PADI3: variants seen among roughly 807,000 people sequenced by gnomAD.
PADI3 encodes the protein protein-arginine deiminase type-3.
PADI3 carries 53 observed loss-of-function variants against 71.5 expected under a neutral mutation model. That is an observed-to-expected ratio of 0.74 (90% CI 0.59 to 0.93). The LOEUF is 0.93. PADI3 is among the 40% of genes least tolerant of loss of function. PADI3 has a pLI of 0.00. For missense variants in PADI3, 821 were observed against 868.0 expected (o/e 0.95, Z 0.68); for synonymous variants, 361 against 347.5 (o/e 1.04, Z -0.43).
chr1:17,276,285 C>T (rs1328187739), intron 11 of PADI3, among the ~76,000 whole-genome samples: 2 of 151,864 alleles, frequency 1.3e-5, no homozygotes, highest in African/African-American at 2.4e-5. Context: ...TGCAATGAGG[C>T]GAGATCACGC....
chr1:17,279,229 AT>A (rs1345742689), intron 13 of PADI3, among the ~76,000 whole-genome samples: 1 of 152,192 alleles, frequency 6.6e-6, no homozygotes, highest in Non-Finnish European at 1.5e-5. Flanking sequence ...GTGGCGATTA[AT>A]TACATAGACA....
chr1:17,270,240 G>A lies in PADI3; in HGVS notation c.660G>A (p.Glu220=), dbSNP rs1187673967. ...CCGTCCCTCCCCTTCCAGGTCCTGAGGATGTGTGTGAGGCCTATAGGCATG... is the reference window on the plus strand; with the variant it reads ...CCGTCCCTCCCCTTCCAGGTCCTGAAGATGTGTGTGAGGCCTATAGGCATG... ...RAQVFHICGP[E]DVCEAYRHVL... The change falls in exon 7 of 16, where the codon GAG becomes GAA. Residue 220 remains glutamate, a synonymous_variant. Transcript: ENST00000375460. The A allele has an allele frequency of 6.2e-7, 1 of 1,611,016 alleles. No individual in the cohort carries two copies. The highest frequency in any genetic ancestry group is 2.2e-5 in the East Asian group (1 of 44,750).
intron 13 of PADI3, among the ~76,000 whole-genome samples, chr1:17,277,698 C>T (rs1448297578): frequency 1.3e-5 from 2 of 152,374 alleles, no homozygotes; most frequent in South Asian, 2.1e-4. Context: ...TGCTGCAGCA[C>T]TCTGCCCCCA....
At chr1:17,268,507 T>TC (rs2073202057) in intron 6 of PADI3, among the ~76,000 whole-genome samples, 1 of 112,604 alleles carries the variant, frequency 8.9e-6, no homozygotes, top group African/African-American at 3.5e-5. Flanking sequence ...GCTTTTTTTT[T>TC]TTTTTTTTTT....
Position 17,270,415 on chromosome 1 carries a change from G to A in PADI3, c.831+4G>A, listed in dbSNP as rs1467524092. ...TCTGCTGGACGACTCCAACGAGGTA[G>A]GGACAGAGGGGGTTCAAGAGGAGCT... On this transcript the variant is annotated splice_donor_region_variant and intron_variant, in intron 7 of 15. Coordinates refer to ENST00000375460, the MANE Select transcript of PADI3 (RefSeq NM_016233.2). 6.2e-7 allele frequency: 1 copy of A among 1,609,244 alleles called. No homozygotes were observed. Among genetic ancestry groups the A allele is most frequent in the African/African-American group, 1.3e-5 (1 of 74,554 alleles).
intron 6 of PADI3, 96 bp downstream of exon 6, chr1:17,268,058 T>C: frequency 1.4e-6 from 2 of 1,433,692 alleles, no homozygotes; most frequent in Non-Finnish European, 1.9e-6. Flanking sequence ...GGGCAGGTCC[T>C]GCTTACACTC....
Position 17,280,444 on chromosome 1 carries a change from G to A in PADI3, c.1635+15G>A. On this transcript the variant is annotated intron_variant, in intron 14 of 15. Transcript: ENST00000375460. ...AGTTTGTGCAGGTACAAGGGCTGTG[G>A]TGTACCTGTGGGCTGTGATTTGGGA... The A allele has an allele frequency of 6.2e-7, 1 of 1,603,426 alleles. No individual in the cohort carries two copies. The highest frequency in any genetic ancestry group is 2.2e-5 in the East Asian group (1 of 44,838).
intron 3 of PADI3, among the ~76,000 whole-genome samples, chr1:17,263,669 A>G (rs2073129681): frequency 6.6e-6 from 1 of 152,258 alleles, no homozygotes; most frequent in Non-Finnish European, 1.5e-5. Flanking sequence ...TTAAAAATTT[A>G]TATGCAACAG....
chr1:17,253,400 G>A (rs569580148), intron 1 of PADI3, among the ~76,000 whole-genome samples: 26 of 152,310 alleles, frequency 1.7e-4, no homozygotes, highest in Non-Finnish European at 2.8e-4. Context: ...TGACCTGAGC[G>A]GGTGCACAGC....
At chr1:17,269,417 G>A (rs1179749205) in intron 6 of PADI3, among the ~76,000 whole-genome samples, 3 of 152,162 alleles carry the variant, frequency 2.0e-5, no homozygotes, top group African/African-American at 7.2e-5. Context: ...CATCATAGTG[G>A]TTTGCAGTGT....
intron 3 of PADI3, 149 bp from the exon 4 acceptor site, chr1:17,265,510 G>T: frequency 2.8e-6 from 2 of 711,796 alleles, no homozygotes; most frequent in South Asian, 1.7e-5. Context: ...TCTTTCCCCA[G>T]CCCAGAGGGT....
intron 1 of PADI3, 81 bp from the exon 2 acceptor site, chr1:17,259,497 A>T: frequency 7.4e-7 from 1 of 1,347,580 alleles, no homozygotes; most frequent in Non-Finnish European, 1.0e-6. Flanking sequence ...TCCTGGAGGA[A>T]GCAGGGCTTG....
rs2073303772 is a variant in PADI3 at position 17,274,743 on chromosome 1, G to C, written c.1264G>C (p.Glu422Gln). The change falls in exon 11 of 16, where the codon GAG becomes CAG. Residue 422 changes from glutamate (E) to glutamine (Q), a missense_variant. Coordinates refer to ENST00000375460, the MANE Select transcript of PADI3 (RefSeq NM_016233.2). Reference sequence around the variant, plus strand: ...CCCTCCAGTGGTGGCCAATGGGAAAGAGTACCCCCTGGGGAGGATCCTCAT... The same window carrying C: ...CCCTCCAGTGGTGGCCAATGGGAAACAGTACCCCCTGGGGAGGATCCTCAT... The part of the protein sequence containing the change: ...VSPPVVANGK[E>Q]YPLGRILIGG... 1.9e-6 allele frequency: 3 copies of C among 1,613,964 alleles called. No individual in the cohort carries two copies. Among genetic ancestry groups the C allele is most frequent in the Non-Finnish European group, 2.5e-6 (3 of 1,179,970 alleles).
At chr1:17,279,186 C>T (rs946243951) in intron 13 of PADI3, among the ~76,000 whole-genome samples, 1 of 152,164 alleles carries the variant, frequency 6.6e-6, no homozygotes, top group African/African-American at 2.4e-5. Context: ...AGCAGCCACC[C>T]CACCCTCGAG....
chr1:17,255,493 C>T (rs981850607), intron 1 of PADI3, among the ~76,000 whole-genome samples: 14 of 152,220 alleles, frequency 9.2e-5, no homozygotes, highest in Admixed American at 8.5e-4. Flanking sequence ...ACAGCTCAGC[C>T]ATGCTGGCAG....
At chr1:17,254,478 A>G (rs1163076497) in intron 1 of PADI3, among the ~76,000 whole-genome samples, 1 of 152,188 alleles carries the variant, frequency 6.6e-6, no homozygotes, top group Non-Finnish European at 1.5e-5. Flanking sequence ...AGAGCTGGCC[A>G]TGAGTCCTGG....
intron 3 of PADI3, among the ~76,000 whole-genome samples, chr1:17,263,471 C>T (rs187084368): frequency 6.6e-6 from 1 of 152,010 alleles, no homozygotes; most frequent in African/African-American, 2.4e-5. Flanking sequence ...ACTTGGAGCC[C>T]TACCTCACAC....
At position 17,283,843 on chromosome 1, in the gene PADI3, CA is replaced by C. The variant is rs1193312857; in HGVS notation, c.*766del. On this transcript the variant is annotated 3_prime_UTR_variant, in exon 16 of 16. Coordinates refer to ENST00000375460, the MANE Select transcript of PADI3 (RefSeq NM_016233.2). ...TGTTGGGTACTAGGGAGACTGGGTA[CA>C]AGGGTGAAAAGTAGTTCCCATAATA... 1 of 152,220 alleles carries C rather than the reference CA, an allele frequency of 6.6e-6. No homozygotes were observed. Among genetic ancestry groups the C allele is most frequent in the Non-Finnish European group, 1.5e-5 (1 of 68,054 alleles). 9.4% of individuals were successfully genotyped at this position (152,220 alleles called of 1,614,324 possible).
intron 13 of PADI3, among the ~76,000 whole-genome samples, chr1:17,279,417 A>G (rs1426248585): frequency 6.6e-6 from 1 of 152,184 alleles, no homozygotes; most frequent in Non-Finnish European, 1.5e-5. Flanking sequence ...ACTGGCCCAG[A>G]GGCCTCAGCA....
Sources: allele counts gnomAD v4.1 joint callset (sites outside exome capture counted in the v4.1 genomes callset), GRCh38; gene constraint gnomAD v4.1.1; transcripts MANE v1.5; gene names NCBI Gene and HGNC (gene_info 2026-07-23, HGNC 2026-07-21).